GALNT10: variants seen among roughly 807,000 people sequenced by gnomAD.
GALNT10 encodes GalNAc transferase 10.
GALNT10 carries 41 observed loss-of-function variants against 75.0 expected under a neutral mutation model. That is an observed-to-expected ratio of 0.55 (90% CI 0.43 to 0.71). The LOEUF is 0.71. Among genes scored for constraint, GALNT10 ranks in the 30% least tolerant of loss-of-function variants. GALNT10 has a pLI of 0.00. For missense variants in GALNT10, 727 were observed against 818.5 expected (o/e 0.89, Z 1.36); for synonymous variants, 302 against 313.0 (o/e 0.96, Z 0.37).
intron 4 of GALNT10, chr5:154,337,336 T>A (rs1754959843): frequency 2.1e-6 from 1 of 468,306 alleles, no homozygotes; most frequent in Non-Finnish European, 3.9e-6. Flanking sequence ...GTCTAAAACA[T>A]GTCTTCTTTG....
At chr5:154,380,385 G>A (rs932033126) in intron 5 of GALNT10, 63 bp from the exon 6 acceptor site, 44 of 1,280,728 alleles carry the variant, frequency 3.4e-5, no homozygotes, top group Middle Eastern at 1.9e-4. Context: ...TGCAGAACAG[G>A]ATGGTGCACT....
At chr5:154,392,857 G>C (rs1188436604) in intron 7 of GALNT10, 2 of 152,042 alleles carry the variant, frequency 1.3e-5, no homozygotes, top group Non-Finnish European at 2.9e-5. Flanking sequence ...ACATTTCAGA[G>C]CAAGCACATT....
chr5:154,401,192 T>C (rs1365300721), intron 7 of GALNT10, among the ~76,000 whole-genome samples: 2 of 152,154 alleles, frequency 1.3e-5, no homozygotes, highest in African/African-American at 4.8e-5. Flanking sequence ...AGAGAAGGAT[T>C]TGGAAATTTA....
chr5:154,409,761 A>G lies in GALNT10; in HGVS notation c.1385A>G (p.Glu462Gly). 3 of 1,604,808 alleles carry G rather than the reference A, an allele frequency of 1.9e-6. No individual in the cohort carries two copies. Among genetic ancestry groups the G allele is most frequent in the Non-Finnish European group, 2.6e-6 (3 of 1,171,766 alleles). ...GAGCCCCCGGCTGCAGCTTGGGGGG[A>G]GGTGAGTCTGGAGGGCAGGGCTGGC... ...PVEPPAAAWGEIRNVGTGLCA... is the reference protein window; with the variant it reads ...PVEPPAAAWGGIRNVGTGLCA... The change falls in exon 9 of 12, where the codon GAG (glutamate) becomes GGG (glycine). Residue 462 changes from glutamate to glycine, a missense_variant and splice_region_variant. Glu to Gly is a moderately conservative substitution (Grantham distance 98). Coordinates refer to ENST00000297107, the MANE Select transcript of GALNT10 (RefSeq NM_198321.4). This position sits in a 1 kb window ranked among gnomAD's most constrained non-coding sequence, Gnocchi z 4.5.
intron 4 of GALNT10, among the ~76,000 whole-genome samples, chr5:154,330,905 G>A (rs1754847849): frequency 7.3e-6 from 1 of 136,294 alleles, no homozygotes; most frequent in Admixed American, 7.4e-5. Context: ...GAGAGACAGA[G>A]AGGGTGTGTG....
At chr5:154,404,796 G>C (rs1292274395) in intron 8 of GALNT10, among the ~76,000 whole-genome samples, 1 of 152,114 alleles carries the variant, frequency 6.6e-6, no homozygotes, top group African/African-American at 2.4e-5. Flanking sequence ...CTTCATAAAT[G>C]TCAGTGTCTT....
chr5:154,190,986 TG>T lies in GALNT10; in HGVS notation c.125del (p.Gly42AspfsTer30). On this transcript the variant is annotated frameshift_variant, in exon 1 of 12. Transcript: ENST00000297107. LOFTEE classifies it high-confidence loss of function. ...YRERQPDGTP[G>X]GSGAAVAPAA... The stretch of plus-strand genomic sequence containing the variant: ...GCGAGCGGCAGCCCGACGGCACCCC[TG>T]GGGGATCGGGGGCGGCGGTGGCGCC... The T allele has an allele frequency of 1.3e-6, 2 of 1,500,718 alleles. No individual in the cohort carries two copies. The highest frequency in any genetic ancestry group is 8.9e-7 in the Non-Finnish European group (1 of 1,125,336). The allele number at this position is 1,500,718 out of a possible 1,614,324, so 93.0% of individuals were successfully genotyped here.
At chr5:154,370,289 A>C (rs1387849900) in intron 4 of GALNT10, among the ~76,000 whole-genome samples, 2 of 152,336 alleles carry the variant, frequency 1.3e-5, no homozygotes, top group African/African-American at 4.8e-5. Flanking sequence ...CATTCACAGA[A>C]CTTGCCCTCA....
In GALNT10 at chr5:154,412,402, G is replaced by C. The variant is rs1235592833; in HGVS notation, c.1387-487G>C. The C allele has an allele frequency of 1.9e-5, 3 of 160,536 alleles. No individual in the cohort carries two copies. Among genetic ancestry groups the C allele is most frequent in the Non-Finnish European group, 2.7e-5 (2 of 73,350 alleles). 9.9% of individuals were successfully genotyped at this position (160,536 alleles called of 1,614,324 possible). On this transcript the variant is annotated intron_variant, in intron 9 of 11. Coordinates refer to ENST00000297107, the MANE Select transcript of GALNT10 (RefSeq NM_198321.4). This position sits in a 1 kb window ranked among gnomAD's most constrained non-coding sequence, Gnocchi z 4.2. ...TTCTTTGGATCTCAGCAGGGGGTGA[G>C]GGGGCCTCCTGCCACCTCTTGCCAT...
intron 1 of GALNT10, among the ~76,000 whole-genome samples, chr5:154,248,764 C>G (rs1753470642): frequency 1.3e-5 from 2 of 152,174 alleles, no homozygotes; most frequent in South Asian, 4.1e-4. Flanking sequence ...AAAATCAGCT[C>G]CTGGATTCAT....
intron 8 of GALNT10, among the ~76,000 whole-genome samples, chr5:154,407,717 A>C (rs942464006): frequency 6.6e-6 from 1 of 152,232 alleles, no homozygotes; most frequent in Non-Finnish European, 1.5e-5. Context: ...TAGGCCTTCA[A>C]CTTCCTCTAG....
At chr5:154,244,157 C>T (rs1753385539) in intron 1 of GALNT10, among the ~76,000 whole-genome samples, 1 of 152,186 alleles carries the variant, frequency 6.6e-6, no homozygotes, top group African/African-American at 2.4e-5. Context: ...GGGAGCTTTG[C>T]CACTGCTGGG....
chr5:154,248,828 T>C (rs1031127375), intron 1 of GALNT10, among the ~76,000 whole-genome samples: 1 of 152,342 alleles, frequency 6.6e-6, no homozygotes, highest in South Asian at 2.1e-4. Flanking sequence ...ACTGAGGGAA[T>C]GAGGGCATTT....
Position 154,419,279 on chromosome 5 carries a change from T to C in GALNT10, c.*2307T>C, listed in dbSNP as rs1411746483. 2.0e-5 allele frequency: 3 copies of C among 152,156 alleles called. No individual in the cohort carries two copies. The highest frequency in any genetic ancestry group is 7.2e-5 in the African/African-American group (3 of 41,412). 9.4% of individuals were successfully genotyped at this position (152,156 alleles called of 1,614,324 possible). A position where few individuals can be genotyped will look rare whatever the true frequency, so the allele number is the denominator to read the frequency against. ...AAGGCTGGGCAGTGCGTTTAGTCTGTGGCCTAGAAGACCTCATCAGCCCCC... is the reference window on the plus strand; with the variant it reads ...AAGGCTGGGCAGTGCGTTTAGTCTGCGGCCTAGAAGACCTCATCAGCCCCC... On this transcript the variant is annotated 3_prime_UTR_variant, in exon 12 of 12. Transcript: ENST00000297107.
rs187017568 is a variant in GALNT10, at chr5:154,352,824, C to T, written c.568+23086C>T. Among the ~76,000 whole-genome samples the T allele has an allele frequency of 2.9e-4, 44 of 152,284 alleles. No homozygotes were observed. The highest frequency in any genetic ancestry group is 2.5e-3 in the Admixed American group (39 of 15,306). ...TTGGTTTAAGAAACCTTGACCACCC[C>T]GCGGTCTTGCATCGGGACATGGCTA... is the stretch of plus-strand genomic sequence containing the variant. On this transcript the variant is annotated intron_variant, in intron 4 of 11. Coordinates refer to ENST00000297107, the MANE Select transcript of GALNT10 (RefSeq NM_198321.4). The surrounding 1 kb of genome is among the most constrained non-coding windows in gnomAD (Gnocchi z 4.4).
intron 4 of GALNT10, chr5:154,347,144 A>G (rs1755135102): frequency 1.9e-6 from 1 of 515,330 alleles, no homozygotes; most frequent in African/African-American, 2.0e-5. Flanking sequence ...TTATGATCTC[A>G]CCGAGTCCTG....
rs576944367 is a variant in GALNT10 at position 154,211,869 on chromosome 5, G to A, written c.159+20844G>A. The stretch of plus-strand genomic sequence containing the variant: ...CCCCAGAGCACACCATCCAAGAGAC[G>A]GGGAGAGAGCAAGCAGGAAGCCACA... On this transcript the variant is annotated intron_variant, in intron 1 of 11. Transcript: ENST00000297107. 1.6e-4 allele frequency among the ~76,000 whole-genome samples: 24 copies of A among 152,272 alleles called. No homozygotes were observed. The South Asian group carries it at 1.7e-3, about 11-fold the overall frequency.
At chr5:154,380,331 A>C in intron 5 of GALNT10, 117 bp from the exon 6 acceptor site, 3 of 808,166 alleles carry the variant, frequency 3.7e-6, no homozygotes, top group Non-Finnish European at 6.1e-6. Context: ...CCCTCCATGG[A>C]TTGTCAAACT....
In GALNT10 at chr5:154,298,121, T is replaced by C; in HGVS notation, c.401+42T>C. ...TCAAATTCTGAGATCTAAGGATGTT[T>C]CCCTGGCTGTTGTTGAGAATTAATT... On this transcript the variant is annotated intron_variant, in intron 3 of 11. Transcript: ENST00000297107. This position sits in a 1 kb window ranked among gnomAD's most constrained non-coding sequence, Gnocchi z 4.1. 1 of 1,579,674 alleles carries C rather than the reference T, an allele frequency of 6.3e-7. No homozygotes were observed. The highest frequency in any genetic ancestry group is 8.7e-7 in the Non-Finnish European group (1 of 1,154,082).
Sources: gnomAD v4.1 joint callset for allele counts (sites outside exome capture counted in the v4.1 genomes callset) on GRCh38, gnomAD v4.1.1 for gene constraint, Gnocchi (gnomAD v3.1) non-coding constraint, MANE v1.5 for transcripts, NCBI Gene and HGNC (gene_info 2026-07-23, HGNC 2026-07-21) for gene names.